The following CUBN variants were observed in gnomAD, a reference collection of about 807,000 sequenced individuals.
The protein encoded by CUBN is 460 kDa receptor.
A neutral mutation model predicts 405.3 loss-of-function variants in CUBN; 282 were observed. The observed-to-expected ratio is 0.70, with a 90% confidence interval of 0.63 to 0.77. The LOEUF is 0.77. Among genes scored for constraint, CUBN ranks in the 30% least tolerant of loss-of-function variants. The probability of loss-of-function intolerance (pLI) is 0.00; values close to 1 mark genes in which losing one functional copy is unlikely to be tolerated. For missense variants in CUBN, 4,514 were observed against 4,475.2 expected, an observed-to-expected ratio of 1.01 and a Z score of -0.25; for synonymous variants, 1,684 against 1,617.0, an observed-to-expected ratio of 1.04 and a Z score of -0.99.
intron 60 of CUBN, among the ~76,000 whole-genome samples, chr10:16,849,281 C>T (rs977143665): frequency 3.3e-5 from 5 of 152,110 alleles, no homozygotes; most frequent in South Asian, 2.1e-4. Context: ...CTTTTCATGA[C>T]GCGTCTGTTC....
Position 17,073,301 on chromosome 10 carries a change from T to C in CUBN, c.2302-1330A>G, listed in dbSNP as rs188546279. ...AAGGTTAGAAATTATAAACTATAAA[T>C]TAACTTCCTCAGTACATCAGATAAG... On this transcript the variant is annotated intron_variant, in intron 17 of 66. Coordinates refer to ENST00000377833, the MANE Select transcript of CUBN (RefSeq NM_001081.4). Among the ~76,000 whole-genome samples the C allele has an allele frequency of 2.2e-4, 33 of 152,284 alleles. No homozygotes were observed. The East Asian group carries it at 5.2e-3, about 24-fold the overall frequency.
At chr10:16,934,368 A>G (rs1025699415) in intron 39 of CUBN, among the ~76,000 whole-genome samples, 1 of 152,326 alleles carries the variant, frequency 6.6e-6, no homozygotes, top group Non-Finnish European at 1.5e-5. Flanking sequence ...CTTGTACACC[A>G]TAATATGTTT....
At chr10:17,018,204 A>G (rs1834391193) in intron 28 of CUBN, among the ~76,000 whole-genome samples, 1 of 152,178 alleles carries the variant, frequency 6.6e-6, no homozygotes, top group Admixed American at 6.5e-5. Context: ...CCCGGTATAT[A>G]GCCCCCAAAT....
chr10:16,928,408 A>T lies in CUBN; in HGVS notation c.6125-105T>A, dbSNP rs1265243755. ...GCTCACACATTTTTCTCAGAACATC[A>T]GGACTCGTAGGAGATAATGGGATCC... On this transcript the variant is annotated intron_variant, in intron 40 of 66. Coordinates refer to ENST00000377833, the MANE Select transcript of CUBN (RefSeq NM_001081.4). 2.2e-5 allele frequency: 26 copies of T among 1,184,448 alleles called. No homozygotes were observed. The Admixed American group carries it at 4.5e-4, about 20-fold the overall frequency. 73.4% of individuals were successfully genotyped at this position (1,184,448 alleles called of 1,614,324 possible).
chr10:16,940,689 G>A (rs1842628745), intron 36 of CUBN, among the ~76,000 whole-genome samples: 1 of 152,122 alleles, frequency 6.6e-6, no homozygotes, highest in African/African-American at 2.4e-5. Context: ...TGCCACCAAG[G>A]CACATGTGCA....
At chr10:16,842,956 C>T (rs554127181) in intron 60 of CUBN, among the ~76,000 whole-genome samples, 3 of 152,248 alleles carry the variant, frequency 2.0e-5, no homozygotes, top group Non-Finnish European at 4.4e-5. Context: ...TGGGCCCTCA[C>T]CTGACATGTC....
chr10:16,849,148 C>T (rs1839603749), intron 60 of CUBN, among the ~76,000 whole-genome samples: 1 of 152,160 alleles, frequency 6.6e-6, no homozygotes, highest in South Asian at 2.1e-4. Context: ...GGCTGTTCTT[C>T]ATCTTTCCCT....
At chr10:17,073,049 T>C (rs115060845) in intron 17 of CUBN, among the ~76,000 whole-genome samples, 3 of 152,190 alleles carry the variant, frequency 2.0e-5, no homozygotes, top group African/African-American at 4.8e-5. Flanking sequence ...ATAATTCCCA[T>C]GTATAATTTA....
At chr10:17,044,913 C>T (rs1310987528) in intron 25 of CUBN, 94 bp downstream of exon 25, 5 of 1,232,480 alleles carry the variant, frequency 4.1e-6, no homozygotes, top group East Asian at 2.3e-5. Flanking sequence ...GGTTTAGATG[C>T]TCCCCTTTCC....
chr10:16,844,185 C>T (rs1472470459), intron 60 of CUBN, among the ~76,000 whole-genome samples: 2 of 150,576 alleles, frequency 1.3e-5, no homozygotes, highest in Non-Finnish European at 2.9e-5. Context: ...AGGAGAATTG[C>T]TTGAACCCGG....
chr10:17,086,432 C>A (rs1300027413), intron 15 of CUBN, among the ~76,000 whole-genome samples: 2 of 152,078 alleles, frequency 1.3e-5, no homozygotes, highest in Non-Finnish European at 2.9e-5. Context: ...TTGATGCCAA[C>A]TGATTCATAA....
chr10:16,914,671 AAG>A (rs1841832382), intron 47 of CUBN, among the ~76,000 whole-genome samples: 2 of 152,186 alleles, frequency 1.3e-5, no homozygotes, highest in East Asian at 3.9e-4. Context: ...AAAAAAAAAA[AAG>A]AGGAAAATCA....
intron 4 of CUBN, among the ~76,000 whole-genome samples, chr10:17,124,081 G>A (rs986035608): frequency 6.6e-6 from 1 of 152,144 alleles, no homozygotes; most frequent in African/African-American, 2.4e-5. Context: ...GGAGATTCCG[G>A]TTATTTTACC....
intron 36 of CUBN, among the ~76,000 whole-genome samples, chr10:16,945,471 G>A (rs1842751559): frequency 6.6e-6 from 1 of 152,080 alleles, no homozygotes; most frequent in Non-Finnish European, 1.5e-5. Flanking sequence ...TCTTAGTGAA[G>A]ACAAAGACAA....
intron 30 of CUBN, 74 bp downstream of exon 30, chr10:16,984,031 T>A: frequency 6.5e-7 from 1 of 1,538,384 alleles, no homozygotes; most frequent in Non-Finnish European, 9.0e-7. Flanking sequence ...CCTTCATACG[T>A]TTTCCCAAGC....
At chr10:17,012,242 C>G (rs1363924555) in intron 28 of CUBN, among the ~76,000 whole-genome samples, 5 of 152,190 alleles carry the variant, frequency 3.3e-5, no homozygotes, top group Non-Finnish European at 7.3e-5. Context: ...AAGATGGCTG[C>G]CATGGGACCT....
intron 31 of CUBN, among the ~76,000 whole-genome samples, chr10:16,972,749 A>G (rs1832972024): frequency 6.6e-6 from 1 of 151,920 alleles, no homozygotes; most frequent in Non-Finnish European, 1.5e-5. Context: ...TCAAGCAAAT[A>G]GGCTTCCCCC....
chr10:16,947,708 C>G (rs940200355), intron 35 of CUBN, among the ~76,000 whole-genome samples: 1 of 152,218 alleles, frequency 6.6e-6, no homozygotes, highest in African/African-American at 2.4e-5. Flanking sequence ...TGGCCTAGAA[C>G]CCAACGCAGC....
intron 22 of CUBN, among the ~76,000 whole-genome samples, chr10:17,051,015 A>G (rs1014255071): frequency 2.6e-5 from 4 of 151,954 alleles, no homozygotes; most frequent in African/African-American, 9.7e-5. Context: ...TCATGTCCCA[A>G]TCTATCATGT....
Sources: gnomAD v4.1 joint callset for allele counts (sites outside exome capture counted in the v4.1 genomes callset) on GRCh38, gnomAD v4.1.1 for gene constraint, MANE v1.5 for transcripts, NCBI Gene and HGNC (gene_info 2026-07-23, HGNC 2026-07-21) for gene names.